Variants in CC2D2A observed in about 807,000 individuals in gnomAD.
The protein encoded by CC2D2A is coiled-coil and C2 domain containing 2A.
CC2D2A carries 155 observed loss-of-function variants against 212.9 expected under a neutral mutation model. That is an observed-to-expected ratio of 0.73 (90% CI 0.64 to 0.83). The LOEUF is 0.83. Ranked by LOEUF, CC2D2A falls within the 40% of genes least tolerant of loss-of-function variation. The pLI is 0.00. For missense variants in CC2D2A, 1,856 were observed against 1,956.2 expected, an observed-to-expected ratio of 0.95 and a Z score of 0.97; for synonymous variants, 667 against 686.5, an observed-to-expected ratio of 0.97 and a Z score of 0.44.
chr4:15,601,228 T>G lies in CC2D2A; in HGVS notation c.4675-9T>G. ...TTCACTAATGACTACAAATGTTTTT[T>G]CCCTTCAGTTCTCTGGATTTCCTCT... On this transcript the variant is annotated splice_polypyrimidine_tract_variant and intron_variant, in intron 36 of 36. Coordinates refer to ENST00000424120, the MANE Select transcript of CC2D2A (RefSeq NM_001378615.1). 6.2e-7 allele frequency: 1 copy of G among 1,608,148 alleles called. No individual in the cohort carries two copies. Among genetic ancestry groups the G allele is most frequent in the African/African-American group, 1.3e-5 (1 of 74,986 alleles).
rs1157445855 is a variant in CC2D2A at position 15,550,873 on chromosome 4, T to C, written c.2231T>C (p.Phe744Ser). The C allele has an allele frequency of 1.9e-6, 3 of 1,602,488 alleles. No individual in the cohort carries two copies. In the East Asian group the frequency reaches 6.7e-5, roughly 36 times the overall value. The change falls in exon 18 of 37, where the codon TTT (phenylalanine) becomes TCT (serine). Residue 744 changes from phenylalanine (F) to serine (S), a missense_variant. Physicochemically the swap from Phe to Ser is radical, Grantham distance 155 (BLOSUM62 -2). Coordinates refer to ENST00000424120, the MANE Select transcript of CC2D2A (RefSeq NM_001378615.1). ...HSSPTLLAEV[F>S]LPIPETTVVT... ...AGTCCCACCTTGCTAGCAGAAGTGT[T>C]TCTGCCTATTCCTGAGACTACTGTT...
In CC2D2A at chr4:15,599,577, T is replaced by C; in HGVS notation, c.4545T>C (p.His1515=). 1.2e-6 allele frequency: 2 copies of C among 1,604,252 alleles called. No homozygotes were observed. Among genetic ancestry groups the C allele is most frequent in the Non-Finnish European group, 1.7e-6 (2 of 1,172,960 alleles). ...AAATCATGGACTGGAGGCCACGCCA[T>C]CTGACTCGGTGGAATAGGTATTGTA... ...KEKIMDWRPR[H]LTRWNRYCTS... The change falls in exon 36 of 37, where the codon CAT becomes CAC. Residue 1515 remains histidine, a synonymous_variant. Transcript: ENST00000424120.
chr4:15,521,631 T>C (rs1717208950), intron 11 of CC2D2A, among the ~76,000 whole-genome samples: 4 of 152,194 alleles, frequency 2.6e-5, no homozygotes, highest in Non-Finnish European at 5.9e-5. Flanking sequence ...CCATTTTCTT[T>C]CTCCTCTCTG....
intron 6 of CC2D2A, among the ~76,000 whole-genome samples, chr4:15,507,135 C>T (rs1303268270): frequency 6.6e-6 from 1 of 151,886 alleles, no homozygotes; most frequent in Non-Finnish European, 1.5e-5. Context: ...TGCTTCTTTC[C>T]TCATCCTCAA....
Position 15,600,436 on chromosome 4 carries a change from G to A in CC2D2A, c.4674+730G>A, listed in dbSNP as rs1433011700. On this transcript the variant is annotated intron_variant, in intron 36 of 36. Coordinates refer to ENST00000424120, the MANE Select transcript of CC2D2A (RefSeq NM_001378615.1). Reference sequence around the variant, plus strand: ...TATGATGGCATCATCCTGAGACTGGGTTTCCTCATGGAAGCAAATGCTGGA... The same window carrying A: ...TATGATGGCATCATCCTGAGACTGGATTTCCTCATGGAAGCAAATGCTGGA... 3.3e-5 allele frequency among the ~76,000 whole-genome samples: 5 copies of A among 152,234 alleles called. No homozygotes were observed. The South Asian group carries it at 1.0e-3, about 32-fold the overall frequency.
Position 15,480,703 on chromosome 4 carries a change from G to C in CC2D2A, c.124-1G>C, listed in dbSNP as rs949606263. The C allele has an allele frequency of 4.4e-6, 7 of 1,608,792 alleles. No homozygotes were observed. Among genetic ancestry groups the C allele is most frequent in the Non-Finnish European group, 5.9e-6 (7 of 1,177,826 alleles). On this transcript the variant is annotated splice_acceptor_variant, in intron 3 of 36. Coordinates refer to ENST00000424120, the MANE Select transcript of CC2D2A (RefSeq NM_001378615.1). LOFTEE classifies it high-confidence loss of function. Reference sequence around the variant, plus strand: ...CTGAACCTCTGACCTTCTTCCTCCAGCCACCAACTGCTGTCCCCAAGGAAA... The same window carrying C: ...CTGAACCTCTGACCTTCTTCCTCCACCCACCAACTGCTGTCCCCAAGGAAA...
At chr4:15,593,392 A>G (rs1281370153) in intron 33 of CC2D2A, among the ~76,000 whole-genome samples, 4 of 152,110 alleles carry the variant, frequency 2.6e-5, no homozygotes, top group African/African-American at 9.7e-5. Flanking sequence ...TATTCTCCAA[A>G]TTTGAAACAT....
In CC2D2A at chr4:15,528,646, G is replaced by A. The variant is rs767353133; in HGVS notation, c.1386G>A (p.Gln462=). ...TCCAAGCTTTAAGAAATGCTGTTCA[G>A]ACTGGCCTTGATCCAGAAAAACCTC... ...DKLQALRNAV[Q]TGLDPEKPHQ... The change falls in exon 13 of 37, where the codon CAG becomes CAA. Residue 462 remains glutamine (Q), a synonymous_variant. Transcript: ENST00000424120. 1.2e-6 allele frequency: 2 copies of A among 1,613,772 alleles called. No homozygotes were observed.
intron 2 of CC2D2A, among the ~76,000 whole-genome samples, 157 bp downstream of exon 2, chr4:15,476,128 A>G (rs1365109206): frequency 6.6e-6 from 1 of 152,242 alleles, no homozygotes; most frequent in East Asian, 1.9e-4. Flanking sequence ...CTAATTGTAC[A>G]AAGAACGATT....
At chr4:15,568,453 A>G (rs1231598095) in intron 26 of CC2D2A, among the ~76,000 whole-genome samples, 1 of 152,182 alleles carries the variant, frequency 6.6e-6, no homozygotes, top group Non-Finnish European at 1.5e-5. Flanking sequence ...ACTTGAGGCC[A>G]GGGCACATGC....
In CC2D2A at chr4:15,530,261, G is replaced by A. The variant is rs193103468; in HGVS notation, c.1466+1535G>A. Among the ~76,000 whole-genome samples, 52 of 152,288 alleles carry A rather than the reference G, an allele frequency of 3.4e-4. 1 individual carries two copies. In the East Asian group the frequency reaches 4.4e-3, roughly 13 times the overall value. The stretch of plus-strand genomic sequence containing the variant: ...GCTGGGATTACAGGCGTGAGCCACC[G>A]CGCCCGGCCAGAGGCATTTCAATGT... On this transcript the variant is annotated intron_variant, in intron 13 of 36. Transcript: ENST00000424120.
At chr4:15,526,997 A>G (rs1013949897) in intron 11 of CC2D2A, among the ~76,000 whole-genome samples, 2 of 152,184 alleles carry the variant, frequency 1.3e-5, no homozygotes, top group African/African-American at 4.8e-5. Flanking sequence ...TGCTATCTAC[A>G]AAATGAAGCC....
At chr4:15,526,360 A>G (rs749512191) in intron 11 of CC2D2A, among the ~76,000 whole-genome samples, 9 of 152,192 alleles carry the variant, frequency 5.9e-5, no homozygotes, top group Admixed American at 2.0e-4. Flanking sequence ...TGACTTGCCC[A>G]AGGTCTCAGA....
At chr4:15,598,759 C>T (rs1721439628) in intron 35 of CC2D2A, among the ~76,000 whole-genome samples, 1 of 152,206 alleles carries the variant, frequency 6.6e-6, no homozygotes, top group Non-Finnish European at 1.5e-5. Flanking sequence ...GCACTAAGAG[C>T]TCCACAAATA....
chr4:15,535,912 G>A (rs534503678), intron 14 of CC2D2A, among the ~76,000 whole-genome samples: 1 of 152,242 alleles, frequency 6.6e-6, no homozygotes, highest in South Asian at 2.1e-4. Context: ...CCACACATTT[G>A]CCGCCATCTA....
chr4:15,507,014 GT>G (rs1716299188), intron 6 of CC2D2A, among the ~76,000 whole-genome samples: 1 of 151,132 alleles, frequency 6.6e-6, no homozygotes, highest in Admixed American at 6.6e-5. Context: ...GGAGGCAGAG[GT>G]TGTAGTGAGC....
intron 13 of CC2D2A, among the ~76,000 whole-genome samples, chr4:15,532,378 T>C (rs770374503): frequency 1.3e-5 from 2 of 152,178 alleles, no homozygotes; most frequent in African/African-American, 2.4e-5. Flanking sequence ...GCCTGCCTTC[T>C]GGAGGTCATG....
chr4:15,546,417 T>C (rs933649417), intron 17 of CC2D2A, among the ~76,000 whole-genome samples: 4 of 152,224 alleles, frequency 2.6e-5, no homozygotes, highest in Non-Finnish European at 2.9e-5. Flanking sequence ...TTTTTCCTTA[T>C]TAGTCAATCC....
At chr4:15,534,825 G>A (rs1302096099) in intron 14 of CC2D2A, among the ~76,000 whole-genome samples, 1 of 151,926 alleles carries the variant, frequency 6.6e-6, no homozygotes, top group African/African-American at 2.4e-5. Flanking sequence ...TAGGGACCCT[G>A]TTGTCGTTGT....
Sources: gnomAD v4.1 joint callset for allele counts (sites outside exome capture counted in the v4.1 genomes callset) on GRCh38, gnomAD v4.1.1 for gene constraint, MANE v1.5 for transcripts, NCBI Gene and HGNC (gene_info 2026-07-23, HGNC 2026-07-21) for gene names.